The following SLC37A1 variants were observed in gnomAD, a reference collection of about 807,000 sequenced individuals.
The protein encoded by SLC37A1 is solute carrier family 37 member 1.
In SLC37A1, 49 loss-of-function variants were observed where a neutral mutation model predicts 75.3. The observed-to-expected ratio is 0.65, with a 90% CI of 0.52 to 0.83. The LOEUF (loss-of-function observed/expected upper bound fraction) is 0.83, where lower values mean the gene tolerates loss of function less well. Ranked by LOEUF, SLC37A1 falls within the 40% of genes least tolerant of loss-of-function variation. SLC37A1 has a pLI of 0.00. For synonymous variants in SLC37A1, 268 were observed against 292.1 expected, an observed-to-expected ratio of 0.92 and a Z score of 0.84; for missense variants, 566 against 695.0, an observed-to-expected ratio of 0.81 and a Z score of 2.09.
intron 17 of SLC37A1, 22 bp downstream of exon 17, chr21:42,568,460 T>C (rs1353213125): frequency 6.2e-7 from 1 of 1,609,374 alleles, no homozygotes; most frequent in Non-Finnish European, 8.5e-7. Flanking sequence ...GTTTTAGCTC[T>C]GGGAGGTTTG....
intron 2 of SLC37A1, among the ~76,000 whole-genome samples, chr21:42,521,231 T>A (rs2054641220): frequency 6.6e-6 from 1 of 152,240 alleles, no homozygotes; most frequent in Non-Finnish European, 1.5e-5. Context: ...CAGACAGCAC[T>A]TTAACCAATG....
chr21:42,567,084 G>T, intron 16 of SLC37A1, 26 bp downstream of exon 16: 1 of 1,606,066 alleles, frequency 6.2e-7, no homozygotes. Context: ...AGAGACACCA[G>T]CCCTGTGGGC....
intron 4 of SLC37A1, 75 bp downstream of exon 4, chr21:42,534,905 A>C (rs2146838489): frequency 3.9e-6 from 6 of 1,531,360 alleles, no homozygotes; most frequent in Non-Finnish European, 5.3e-6. Flanking sequence ...CTTTAGCAGC[A>C]GTAATGCTGT....
intron 19 of SLC37A1, 93 bp from the exon 20 acceptor site, chr21:42,580,252 C>G: frequency 6.8e-7 from 1 of 1,461,866 alleles, no homozygotes; most frequent in Non-Finnish European, 9.4e-7. Flanking sequence ...AGCTGGCTCC[C>G]CATAGGATTT....
upstream of SLC37A1, among the ~76,000 whole-genome samples, chr21:42,512,088 A>T (rs747613889): frequency 9.2e-3 from 1,395 of 151,968 alleles, 15 homozygotes; most frequent in African/African-American, 0.015. Context: ...AAAAAAAAAA[A>T]ATAATGTGAG....
At chr21:42,550,459 A>T (rs2055528691) in intron 9 of SLC37A1, among the ~76,000 whole-genome samples, 1 of 152,280 alleles carries the variant, frequency 6.6e-6, no homozygotes. Context: ...TTGTTAATTT[A>T]AAAACTTCAC....
rs2056402985 is a variant in SLC37A1, at chr21:42,580,435, G to C, written c.*75G>C. 6.5e-7 allele frequency: 1 copy of C among 1,530,652 alleles called. No homozygotes were observed. Among genetic ancestry groups the C allele is most frequent in the Non-Finnish European group, 8.9e-7 (1 of 1,122,772 alleles). The allele number at this position is 1,530,652 out of a possible 1,614,324, so 94.8% of individuals were successfully genotyped here. A position where few individuals can be genotyped will look rare whatever the true frequency, so the allele number is the denominator to read the frequency against. On this transcript the variant is annotated 3_prime_UTR_variant, in exon 20 of 20. Coordinates refer to ENST00000352133, the MANE Select transcript of SLC37A1 (RefSeq NM_001320537.2). ...GCCTTTCAAGGACAGTTCAGACAAAGGGCCCTGCATGGAAAGAGTGACCTC... is the reference window on the plus strand; with the variant it reads ...GCCTTTCAAGGACAGTTCAGACAAACGGCCCTGCATGGAAAGAGTGACCTC...
upstream of SLC37A1, among the ~76,000 whole-genome samples, chr21:42,510,194 A>T (rs912008451): frequency 6.6e-6 from 1 of 152,096 alleles, no homozygotes; most frequent in African/African-American, 2.4e-5. Flanking sequence ...CGCCCAGCTA[A>T]TTTTTTGTAT....
rs1159077174 is a variant in SLC37A1 at position 42,513,990 on chromosome 21, G to A, written c.-906G>A. ...CCCCGCCCCCCCGCCCGCACCTGCGGGGCAGCCGGCGCTCAGGCGCCGCAG... is the reference window on the plus strand; with the variant it reads ...CCCCGCCCCCCCGCCCGCACCTGCGAGGCAGCCGGCGCTCAGGCGCCGCAG... On this transcript the variant is annotated 5_prime_UTR_variant, in exon 1 of 20. Coordinates refer to ENST00000352133, the MANE Select transcript of SLC37A1 (RefSeq NM_001320537.2). 4 of 147,566 alleles carry A rather than the reference G, an allele frequency of 2.7e-5. No homozygotes were observed. The highest frequency in any genetic ancestry group is 9.8e-5 in the African/African-American group (4 of 40,832). 9.1% of individuals were successfully genotyped at this position (147,566 alleles called of 1,614,324 possible).
chr21:42,538,202 A>C (rs1244947861), intron 5 of SLC37A1, among the ~76,000 whole-genome samples: 1 of 152,202 alleles, frequency 6.6e-6, no homozygotes, highest in Non-Finnish European at 1.5e-5. Context: ...CCAGCCTCTC[A>C]GGGACCTATC....
chr21:42,556,872 CT>C (rs1170000458), intron 10 of SLC37A1, among the ~76,000 whole-genome samples: 2 of 152,138 alleles, frequency 1.3e-5, no homozygotes, highest in East Asian at 3.8e-4. Context: ...GCTACAAGTC[CT>C]GTTTAAGATG....
chr21:42,528,410 G>T (rs1037311739), intron 3 of SLC37A1, among the ~76,000 whole-genome samples: 1 of 152,222 alleles, frequency 6.6e-6, no homozygotes, highest in Admixed American at 6.5e-5. Flanking sequence ...GGCCAGAAAA[G>T]AAACCTGAAA....
intron 2 of SLC37A1, among the ~76,000 whole-genome samples, chr21:42,505,883 A>G (rs2054380209): frequency 6.6e-6 from 1 of 152,214 alleles, no homozygotes; most frequent in Admixed American, 6.5e-5. Flanking sequence ...TTTCCTAAGA[A>G]TGAGGACCTC....
At chr21:42,510,035 T>C (rs1292399272), upstream of SLC37A1, among the ~76,000 whole-genome samples, 2 of 152,128 alleles carry the variant, frequency 1.3e-5, no homozygotes, top group African/African-American at 4.8e-5. Context: ...GGGGAAAAAT[T>C]AAAGTGTAGG....
At chr21:42,556,660 G>C (rs958030257) in intron 10 of SLC37A1, among the ~76,000 whole-genome samples, 1 of 152,188 alleles carries the variant, frequency 6.6e-6, no homozygotes, top group African/African-American at 2.4e-5. Context: ...TCCCATTTGG[G>C]GCTCTTGGGA....
chr21:42,557,120 C>T (rs932990481), intron 10 of SLC37A1, among the ~76,000 whole-genome samples: 4 of 152,212 alleles, frequency 2.6e-5, no homozygotes, highest in Admixed American at 6.5e-5. Context: ...CACTTCTCTG[C>T]GGGTCAGAGG....
In SLC37A1 at chr21:42,536,536, T is replaced by C. The variant is rs114958946; in HGVS notation, c.350+986T>C. Among the ~76,000 whole-genome samples the C allele has an allele frequency of 8.1e-3, 1,228 of 152,282 alleles. 11 individuals carry two copies. The highest frequency in any genetic ancestry group is 0.028 in the African/African-American group (1,157 of 41,550). ...ATTTTCTGTTGCTATTAGCACAATA[T>C]CTGAGCTTGAGTAATTTATAATGAA... On this transcript the variant is annotated intron_variant, in intron 5 of 19. Transcript: ENST00000352133.
chr21:42,579,547 A>ACAT (rs2056375788), intron 18 of SLC37A1, among the ~76,000 whole-genome samples, 189 bp from the exon 19 acceptor site: 1 of 33,284 alleles, frequency 3.0e-5, no homozygotes, highest in African/African-American at 8.9e-5. Context: ...AGCCCTGCCC[A>ACAT]CAGGAGCCCA....
upstream of SLC37A1, among the ~76,000 whole-genome samples, chr21:42,511,887 T>C (rs2054436479): frequency 6.6e-6 from 1 of 152,010 alleles, no homozygotes; most frequent in Non-Finnish European, 1.5e-5. Flanking sequence ...GCAGAGCATA[T>C]AATAATGGTG....
Sources: gnomAD v4.1 joint callset for allele counts (sites outside exome capture counted in the v4.1 genomes callset) on GRCh38, gnomAD v4.1.1 for gene constraint, MANE v1.5 for transcripts, NCBI Gene and HGNC (gene_info 2026-07-23, HGNC 2026-07-21) for gene names.